Variants in ZRANB3 observed in about 807,000 individuals in gnomAD.
The protein encoded by ZRANB3 is zinc finger RANBP2-type containing 3.
Under a neutral mutation model 133.8 loss-of-function variants are expected in ZRANB3, and 125 were observed. The observed-to-expected ratio is 0.93, with a 90% CI of 0.81 to 1.08. The LOEUF is 1.08. ZRANB3 is among the 50% of genes least tolerant of loss of function. The pLI is 0.00. For missense variants in ZRANB3, 1,229 were observed against 1,275.5 expected (o/e 0.96, Z 0.56); for synonymous variants, 387 against 432.7 (o/e 0.89, Z 1.31).
At chr2:135,288,910 T>TG (rs1681539147) in intron 8 of ZRANB3, among the ~76,000 whole-genome samples, 1 of 129,908 alleles carries the variant, frequency 7.7e-6, no homozygotes, top group South Asian at 2.2e-4. Flanking sequence ...GTGTGTGTGT[T>TG]GTTTCAATTT....
intron 2 of ZRANB3, among the ~76,000 whole-genome samples, chr2:135,462,785 G>T (rs960807929): frequency 2.0e-5 from 3 of 151,912 alleles, no homozygotes; most frequent in African/African-American, 7.3e-5. Flanking sequence ...TAGAGACAGG[G>T]TTTCGCCATG....
chr2:135,333,367 G>A (rs1263029220), intron 6 of ZRANB3, among the ~76,000 whole-genome samples: 2 of 151,950 alleles, frequency 1.3e-5, no homozygotes, highest in South Asian at 2.1e-4. Context: ...AGACAAAAAG[G>A]GAAAGTACAA....
At chr2:135,361,158 G>C (rs947248983) in intron 3 of ZRANB3, among the ~76,000 whole-genome samples, 1 of 152,114 alleles carries the variant, frequency 6.6e-6, no homozygotes, top group South Asian at 2.1e-4. Flanking sequence ...AAGTAATTTA[G>C]GCATACAGGA....
At chr2:135,471,795 G>T (rs1053929664) in intron 2 of ZRANB3, among the ~76,000 whole-genome samples, 3 of 152,124 alleles carry the variant, frequency 2.0e-5, no homozygotes, top group African/African-American at 7.2e-5. Context: ...CAAATACAAA[G>T]GGAATATCTA....
intron 12 of ZRANB3, among the ~76,000 whole-genome samples, chr2:135,235,835 T>A (rs950704252): frequency 2.0e-5 from 3 of 150,612 alleles, no homozygotes; most frequent in African/African-American, 7.4e-5. Context: ...AATATCATAC[T>A]GAATGGACAA....
chr2:135,384,629 A>T (rs1238994813), intron 3 of ZRANB3, among the ~76,000 whole-genome samples: 2 of 151,748 alleles, frequency 1.3e-5, no homozygotes, highest in Admixed American at 6.6e-5. Flanking sequence ...GCAGCACATC[A>T]AAAAGCTTAT....
chr2:135,255,543 G>A (rs1265736611), intron 12 of ZRANB3, among the ~76,000 whole-genome samples: 1 of 152,090 alleles, frequency 6.6e-6, no homozygotes, highest in Non-Finnish European at 1.5e-5. Context: ...CCCAATTCAT[G>A]ACTTGCTAAT....
chr2:135,202,594 T>G (rs1326531374), intron 20 of ZRANB3: 2 of 360,958 alleles, frequency 5.5e-6, no homozygotes, highest in African/African-American at 4.1e-5. Context: ...TTCATTTCTT[T>G]CTTGGTAGTG....
At chr2:135,290,014 A>G (rs774553395) in intron 8 of ZRANB3, among the ~76,000 whole-genome samples, 8 of 152,240 alleles carry the variant, frequency 5.3e-5, no homozygotes, top group Non-Finnish European at 7.3e-5. Context: ...TATAATGTAT[A>G]TTCTGTAGTT....
chr2:135,267,087 AT>A (rs1331222319), intron 11 of ZRANB3, among the ~76,000 whole-genome samples: 2 of 152,238 alleles, frequency 1.3e-5, no homozygotes, highest in African/African-American at 4.8e-5. Flanking sequence ...TTGGCTCAGA[AT>A]AAATCTCTTA....
intron 6 of ZRANB3, among the ~76,000 whole-genome samples, chr2:135,321,059 A>G (rs1034311274): frequency 6.6e-6 from 1 of 152,248 alleles, no homozygotes; most frequent in Non-Finnish European, 1.5e-5. Flanking sequence ...GTTGAAGGAC[A>G]TCTGGATTAT....
intron 1 of ZRANB3, among the ~76,000 whole-genome samples, chr2:135,514,620 A>G (rs554428430): frequency 2.6e-5 from 4 of 151,806 alleles, no homozygotes; most frequent in African/African-American, 9.7e-5. Context: ...TCCTATCCGA[A>G]TATCTTTTCT....
chr2:135,369,228 TAA>T (rs532798666), intron 3 of ZRANB3, among the ~76,000 whole-genome samples: 1 of 146,130 alleles, frequency 6.8e-6, no homozygotes, highest in Non-Finnish European at 1.5e-5. Flanking sequence ...ACTGTTACGG[TAA>T]AAAAAAAAAT....
intron 5 of ZRANB3, among the ~76,000 whole-genome samples, chr2:135,349,363 T>C (rs1685088016): frequency 6.6e-6 from 1 of 152,222 alleles, no homozygotes; most frequent in African/African-American, 2.4e-5. Flanking sequence ...CAGAGCCTCC[T>C]TAAACAACAC....
At chr2:135,502,117 G>A (rs1692976825) in intron 2 of ZRANB3, among the ~76,000 whole-genome samples, 1 of 152,102 alleles carries the variant, frequency 6.6e-6, no homozygotes, top group Non-Finnish European at 1.5e-5. Context: ...TTTAAATCCT[G>A]AAATTATTAT....
intron 2 of ZRANB3, among the ~76,000 whole-genome samples, chr2:135,440,949 TA>T (rs1689753256): frequency 6.6e-6 from 1 of 151,780 alleles, no homozygotes; most frequent in South Asian, 2.1e-4. Flanking sequence ...ATAAAAGGTT[TA>T]AGAAAAATGA....
intron 2 of ZRANB3, among the ~76,000 whole-genome samples, chr2:135,493,974 C>G (rs1426147145): frequency 6.6e-6 from 1 of 152,028 alleles, no homozygotes; most frequent in Non-Finnish European, 1.5e-5. Context: ...AGAAGATCCA[C>G]ATAAACTGCA....
Position 135,200,401 on chromosome 2 carries a change from T to TTC in ZRANB3, c.3179_3180dup (p.Arg1061GlufsTer5). 6.2e-7 allele frequency: 1 copy of TTC among 1,608,114 alleles called. No homozygotes were observed. Among genetic ancestry groups the TTC allele is most frequent in the Non-Finnish European group, 8.5e-7 (1 of 1,177,054 alleles). ...CCATGCTTTGATGCTAGAGATTGTC[T>TTC]TCTCACCTGGCTTCTTTCCTTAGCT... is the stretch of plus-strand genomic sequence containing the variant. On this transcript the variant is annotated frameshift_variant, in exon 21 of 21. Transcript: ENST00000264159. LOFTEE classifies it high-confidence loss of function.
chr2:135,267,456 T>G (rs1680304235), intron 11 of ZRANB3, among the ~76,000 whole-genome samples: 1 of 151,834 alleles, frequency 6.6e-6, no homozygotes, highest in African/African-American at 2.4e-5. Context: ...ATTTTTTTTC[T>G]TTTTTTTAGA....
Sources: gnomAD v4.1 joint callset for allele counts (sites outside exome capture counted in the v4.1 genomes callset) on GRCh38, gnomAD v4.1.1 for gene constraint, MANE v1.5 for transcripts, NCBI Gene and HGNC (gene_info 2026-07-23, HGNC 2026-07-21) for gene names.